TXNDC2: variants seen among roughly 807,000 people sequenced by gnomAD.
TXNDC2 encodes thioredoxin domain-containing protein 2.
In TXNDC2, 1 loss-of-function variant was observed where a neutral mutation model predicts 0.4. The observed-to-expected ratio is 2.30, with a 90% CI of 0.82 to 10.89. The LOEUF is 10.89. Ranked by LOEUF, TXNDC2 falls within the 30% of genes most tolerant of loss-of-function variation. The probability of loss-of-function intolerance (pLI) is 0.12; values close to 1 mark genes in which losing one functional copy is unlikely to be tolerated. For missense variants in TXNDC2, 509 were observed against 579.8 expected (o/e 0.88, Z 1.25); for synonymous variants, 183 against 224.6 (o/e 0.81, Z 1.66).
At position 9,888,447 on chromosome 18, in the gene TXNDC2, G is replaced by T. The variant is rs762902619; in HGVS notation, c.*306G>T. The T allele has an allele frequency of 7.7e-6, 2 of 261,194 alleles. No individual in the cohort carries two copies. Among genetic ancestry groups the T allele is most frequent in the Non-Finnish European group, 1.4e-5 (2 of 138,894 alleles). The allele number at this position is 261,194 out of a possible 1,614,324, so 16.2% of individuals were successfully genotyped here. Reference sequence around the variant, plus strand: ...TTTCACTTGTCTTTGAAAATTTCACGCATTTAGTGTTTGCAGCAAGACTGA... The same window carrying T: ...TTTCACTTGTCTTTGAAAATTTCACTCATTTAGTGTTTGCAGCAAGACTGA... On this transcript the variant is annotated 3_prime_UTR_variant, in exon 2 of 2. Coordinates refer to ENST00000357775, the MANE Select transcript of TXNDC2 (RefSeq NM_032243.6).
At position 9,886,716 on chromosome 18, in the gene TXNDC2, G is replaced by A. The variant is rs749538790; in HGVS notation, c.36G>A (p.Glu12=). 2 of 1,614,096 alleles carry A rather than the reference G, an allele frequency of 1.2e-6. No individual in the cohort carries two copies. Among genetic ancestry groups the A allele is most frequent in the South Asian group, 1.1e-5 (1 of 91,082 alleles). The part of the protein sequence containing the change: ...VSHTFHMRTE[E]SDASQEGDDL... Reference sequence around the variant, plus strand: ...ACACGTTCCACATGCGCACAGAGGAGTCTGATGCCTCACAGGAGGGCGATG... The same window carrying A: ...ACACGTTCCACATGCGCACAGAGGAATCTGATGCCTCACAGGAGGGCGATG... The change falls in exon 2 of 2, where the codon GAG becomes GAA. Residue 12 remains glutamate, a synonymous_variant. Coordinates refer to ENST00000357775, the MANE Select transcript of TXNDC2 (RefSeq NM_032243.6).
In TXNDC2 at chr18:9,888,534, C is replaced by G. The variant is rs570133206; in HGVS notation, c.*393C>G. 6.1e-6 allele frequency: 1 copy of G among 165,046 alleles called. No individual in the cohort carries two copies. Among genetic ancestry groups the G allele is most frequent in the African/African-American group, 2.4e-5 (1 of 41,824 alleles). The allele number at this position is 165,046 out of a possible 1,614,324, so 10.2% of individuals were successfully genotyped here. On this transcript the variant is annotated 3_prime_UTR_variant, in exon 2 of 2. Transcript: ENST00000357775. ...AAAGGTGAATGGAAACTTCTTTTCT[C>G]ATGTCACACATCTTTGGGGATTCTG...
At position 9,887,142 on chromosome 18, in the gene TXNDC2, G is replaced by A. The variant is rs775520774; in HGVS notation, c.462G>A (p.Leu154=). Reference sequence around the variant, plus strand: ...CAGCAAAACCCATCCAGCCCAAGCTGGGCAATATTGCCAAGACCTCAGTGA... The same window carrying A: ...CAGCAAAACCCATCCAGCCCAAGCTAGGCAATATTGCCAAGACCTCAGTGA... ...KSSAKPIQPK[L]GNIAKTSVKP... The change falls in exon 2 of 2, where the codon CTG becomes CTA. Residue 154 remains leucine, a synonymous_variant. Coordinates refer to ENST00000357775, the MANE Select transcript of TXNDC2 (RefSeq NM_032243.6). 3 of 1,585,272 alleles carry A rather than the reference G, an allele frequency of 1.9e-6. No homozygotes were observed. The highest frequency in any genetic ancestry group is 4.5e-5 in the East Asian group (2 of 44,228).
rs1225514673 is a variant in TXNDC2, at chr18:9,887,036, C to A, written c.356C>A (p.Thr119Asn). 4 of 1,603,278 alleles carry A rather than the reference C, an allele frequency of 2.5e-6. No homozygotes were observed. The South Asian group carries it at 4.4e-5, about 18-fold the overall frequency. ...GACATCCCCAAGGCCCCAGAAGAAACCATCCAATCCAAGAAGGAGGACCTC... is the reference window on the plus strand; with the variant it reads ...GACATCCCCAAGGCCCCAGAAGAAAACATCCAATCCAAGAAGGAGGACCTC... ...EGDIPKAPEE[T>N]IQSKKEDLPK... is the part of the protein sequence containing the mutation. The change falls in exon 2 of 2, where the codon ACC becomes AAC. Residue 119 changes from threonine (T) to asparagine (N), a missense_variant. Thr to Asn is a moderately conservative substitution (Grantham distance 65). Around this residue, in one of 5 missense-constraint regions of TXNDC2, gnomAD observed 187 missense variants for 218.0 expected, o/e 0.86. Coordinates refer to ENST00000357775, the MANE Select transcript of TXNDC2 (RefSeq NM_032243.6).
At chr18:9,886,159 C>T in intron 1 of TXNDC2, 79 bp downstream of exon 1, 2 of 1,610,344 alleles carry the variant, frequency 1.2e-6, no homozygotes, top group Admixed American at 1.7e-5. Flanking sequence ...TATGAGGCAT[C>T]TATGAAGGAT....
In TXNDC2 at chr18:9,888,894, C is replaced by G. The variant is rs1056607094; in HGVS notation, c.*753C>G. 1 of 152,110 alleles carries G rather than the reference C, an allele frequency of 6.6e-6. No homozygotes were observed. Among genetic ancestry groups the G allele is most frequent in the Non-Finnish European group, 1.5e-5 (1 of 68,032 alleles). The allele number at this position is 152,110 out of a possible 1,614,324, so 9.4% of individuals were successfully genotyped here. On this transcript the variant is annotated 3_prime_UTR_variant, in exon 2 of 2. Transcript: ENST00000357775. ...GGTAATTGAGTTCATAATACCTAGA[C>G]CTTCCTCTGACTTTTTTACTTAAAT...
In TXNDC2 at chr18:9,887,437, G is replaced by T. The variant is rs542784712; in HGVS notation, c.757G>T (p.Glu253Ter). 1 of 1,522,776 alleles carries T rather than the reference G, an allele frequency of 6.6e-7. No homozygotes were observed. Among genetic ancestry groups the T allele is most frequent in the African/African-American group, 1.5e-5 (1 of 68,380 alleles). 94.3% of individuals were successfully genotyped at this position (1,522,776 alleles called of 1,614,324 possible). The change falls in exon 2 of 2, where the codon GAA becomes TAA. Residue 253 changes from glutamate to a stop codon, truncating the protein, a stop_gained. Transcript: ENST00000357775. LOFTEE classifies it low-confidence loss of function (END_TRUNC). ...KEGDIPKSPE[E>*]AIQPKEGDIP... ...GGGTGACATCCCCAAGTCCCCAGAA[G>T]AAGCCATCCAGCCCAAGGAGGGTGA...
At chr18:9,886,478 C>T (rs768300924) in intron 1 of TXNDC2, 111 bp from the exon 2 acceptor site, 22 of 1,056,084 alleles carry the variant, frequency 2.1e-5, no homozygotes, top group South Asian at 7.1e-5. Flanking sequence ...TTCGTGATCT[C>T]GAAGAGTGAC....
intron 1 of TXNDC2, chr18:9,886,334 G>A (rs754583312): frequency 3.9e-6 from 6 of 1,528,366 alleles, no homozygotes. Flanking sequence ...CAGTTAGGGA[G>A]CGGGCAGGGT....
Position 9,886,592 on chromosome 18 carries a change from G to A in TXNDC2, c.-89G>A, listed in dbSNP as rs1197429008. ...TATTTTATGTTTTTTGGTACAGAAA[G>A]CTCATTACTAGTCCTGTCCAGCAAC... On this transcript the variant is annotated 5_prime_UTR_variant, in exon 2 of 2. Coordinates refer to ENST00000357775, the MANE Select transcript of TXNDC2 (RefSeq NM_032243.6). 12 of 1,571,782 alleles carry A rather than the reference G, an allele frequency of 7.6e-6. No individual in the cohort carries two copies. The highest frequency in any genetic ancestry group is 1.0e-5 in the Non-Finnish European group (12 of 1,163,576).
In TXNDC2 at chr18:9,888,173, G is replaced by A. The variant is rs201707325; in HGVS notation, c.*32G>A. ...ATTCTGAAAACATTGCAGACAGTCA[G>A]GTGTTTATAGCTTTTGAGTTCTCTT... On this transcript the variant is annotated 3_prime_UTR_variant, in exon 2 of 2. Transcript: ENST00000357775. 9.6e-5 allele frequency: 146 copies of A among 1,520,544 alleles called. No individual in the cohort carries two copies. The African/African-American group carries it at 1.9e-3, about 20-fold the overall frequency. 94.2% of individuals were successfully genotyped at this position (1,520,544 alleles called of 1,614,324 possible). A position where few individuals can be genotyped will look rare whatever the true frequency, so the allele number is the denominator to read the frequency against.
chr18:9,886,907 A>G lies in TXNDC2; in HGVS notation c.227A>G (p.Gln76Arg), dbSNP rs758708591. 1.4e-5 allele frequency: 23 copies of G among 1,607,790 alleles called. No individual in the cohort carries two copies. Among genetic ancestry groups the G allele is most frequent in the Admixed American group, 3.4e-5 (2 of 59,502 alleles). The change falls in exon 2 of 2, where the codon CAG (glutamine) becomes CGG (arginine). Residue 76 changes from glutamine (Q) to arginine (R), a missense_variant. Gln to Arg is a conservative substitution (Grantham distance 43, BLOSUM62 1). Transcript: ENST00000357775. ...DLPKSSEKAIQPKESNIPKSS... is the reference protein window; with the variant it reads ...DLPKSSEKAIRPKESNIPKSS... ...CCCAAGTCCTCAGAAAAAGCCATCC[A>G]GCCCAAAGAGAGTAACATCCCCAAG...
Position 9,887,819 on chromosome 18 carries a change from G to A in TXNDC2, c.1139G>A (p.Gly380Glu), listed in dbSNP as rs769455398. 1.2e-6 allele frequency: 2 copies of A among 1,611,050 alleles called. No individual in the cohort carries two copies. The highest frequency in any genetic ancestry group is 1.1e-5 in the South Asian group (1 of 90,894). The change falls in exon 2 of 2, where the codon GGG becomes GAG. Residue 380 changes from glycine (G) to glutamate (E), a missense_variant. Gly to Glu is a moderately conservative substitution (Grantham distance 98, BLOSUM62 -2). This residue lies in a region of TXNDC2 where 229 missense variants were observed against 243.8 expected (regional missense o/e 0.94). Transcript: ENST00000357775. The part of the protein sequence containing the change: ...PEEETMEFPE[G>E]DKVKVILSKE... ...GAAGAAACAATGGAGTTCCCGGAGG[G>A]GGACAAGGTGAAAGTGATCCTGAGC...
Position 9,887,838 on chromosome 18 carries a change from C to T in TXNDC2, c.1158C>T (p.Ile386=), listed in dbSNP as rs762099846. The T allele has an allele frequency of 3.7e-6, 6 of 1,609,762 alleles. No homozygotes were observed. The highest frequency in any genetic ancestry group is 8.5e-7 in the Non-Finnish European group (1 of 1,177,538). ...CGGAGGGGGACAAGGTGAAAGTGATCCTGAGCAAGGAGGACTTTGAGGCAT... is the reference window on the plus strand; with the variant it reads ...CGGAGGGGGACAAGGTGAAAGTGATTCTGAGCAAGGAGGACTTTGAGGCAT... ...EFPEGDKVKV[I]LSKEDFEASL... The change falls in exon 2 of 2, where the codon ATC becomes ATT. Residue 386 remains isoleucine, a synonymous_variant. Coordinates refer to ENST00000357775, the MANE Select transcript of TXNDC2 (RefSeq NM_032243.6).
At chr18:9,886,150 A>G in intron 1 of TXNDC2, 70 bp downstream of exon 1, 13 of 1,601,164 alleles carry the variant, frequency 8.1e-6, no homozygotes, top group African/African-American at 1.3e-5. Context: ...GGCCTTTACT[A>G]TGAGGCATCT....
chr18:9,886,273 T>C, intron 1 of TXNDC2, 193 bp downstream of exon 1: 1 of 1,613,568 alleles, frequency 6.2e-7, no homozygotes, highest in South Asian at 1.1e-5. Flanking sequence ...CAAGTGAAGG[T>C]GATGCTAATG....
rs761713228 is a variant in TXNDC2 at position 9,886,292 on chromosome 18, G to T, written c.-93+212G>T. On this transcript the variant is annotated intron_variant, in intron 1 of 1. Coordinates refer to ENST00000357775, the MANE Select transcript of TXNDC2 (RefSeq NM_032243.6). Reference sequence around the variant, plus strand: ...TGAAGGTGATGCTAATGGTAAGTAGGGGAGGAAAGAGGGTTGCCTTAAAGA... The same window carrying T: ...TGAAGGTGATGCTAATGGTAAGTAGTGGAGGAAAGAGGGTTGCCTTAAAGA... 1.2e-6 allele frequency: 2 copies of T among 1,611,356 alleles called. 1 individual carries two copies. The highest frequency in any genetic ancestry group is 1.7e-6 in the Non-Finnish European group (2 of 1,178,362).
At position 9,886,766 on chromosome 18, in the gene TXNDC2, C is replaced by T; in HGVS notation, c.86C>T (p.Thr29Ile). ...GACCTACCCAAGTCCTCAGCAAACA[C>T]CAGCCATCCCAAGCAGGATGACAGC... ...GDDLPKSSANTSHPKQDDSPK... is the reference protein window; with the variant it reads ...GDDLPKSSANISHPKQDDSPK... The change falls in exon 2 of 2, where the codon ACC (threonine) becomes ATC (isoleucine). Residue 29 changes from threonine (T) to isoleucine (I), a missense_variant. Physicochemically the swap from Thr to Ile is moderately conservative, Grantham distance 89. Coordinates refer to ENST00000357775, the MANE Select transcript of TXNDC2 (RefSeq NM_032243.6). 1 of 1,614,126 alleles carries T rather than the reference C, an allele frequency of 6.2e-7. No homozygotes were observed. The highest frequency in any genetic ancestry group is 8.5e-7 in the Non-Finnish European group (1 of 1,180,026).
Position 9,886,770 on chromosome 18 carries a change from C to T in TXNDC2, c.90C>T (p.Ser30=). Residue 30 remains serine, a synonymous_variant, in exon 2 of 2, where the codon AGC becomes AGT. Coordinates refer to ENST00000357775, the MANE Select transcript of TXNDC2 (RefSeq NM_032243.6). ...DDLPKSSANT[S]HPKQDDSPKS... ...TACCCAAGTCCTCAGCAAACACCAG[C>T]CATCCCAAGCAGGATGACAGCCCCA... 6.2e-7 allele frequency: 1 copy of T among 1,614,144 alleles called. No homozygotes were observed. Among genetic ancestry groups the T allele is most frequent in the South Asian group, 1.1e-5 (1 of 91,080 alleles).
Sources: allele counts gnomAD v4.1 joint callset, GRCh38; gene constraint gnomAD v4.1.1; regional missense constraint gnomAD v4.1.1; transcripts MANE v1.5; gene names NCBI Gene and HGNC (gene_info 2026-07-23, HGNC 2026-07-21).